Variants in LTBP1 observed in about 807,000 individuals in gnomAD.
LTBP1 encodes latent-transforming growth factor beta-binding protein 1.
In LTBP1, 129 loss-of-function variants were observed where a neutral mutation model predicts 207.6. That is an observed-to-expected ratio of 0.62 (90% CI 0.54 to 0.72). The LOEUF (loss-of-function observed/expected upper bound fraction) is 0.72. Ranked by LOEUF, LTBP1 falls within the 30% of genes least tolerant of loss-of-function variation. The probability of loss-of-function intolerance (pLI) is 0.00; values close to 1 mark genes in which losing one functional copy is unlikely to be tolerated. For synonymous variants in LTBP1, 963 were observed against 833.7 expected, an observed-to-expected ratio of 1.16 and a Z score of -2.67; for missense variants, 2,281 against 2,217.2, an observed-to-expected ratio of 1.03 and a Z score of -0.58.
At chr2:33,326,039 A>G (rs1480211064) in intron 24 of LTBP1, among the ~76,000 whole-genome samples, 1 of 152,090 alleles carries the variant, frequency 6.6e-6, no homozygotes, top group Non-Finnish European at 1.5e-5. Flanking sequence ...TCTGTAAAGA[A>G]TCACAGATGA....
At chr2:33,057,743 G>C (rs567726913) in intron 3 of LTBP1, among the ~76,000 whole-genome samples, 1 of 152,220 alleles carries the variant, frequency 6.6e-6, no homozygotes, top group Non-Finnish European at 1.5e-5. Flanking sequence ...CCAAGCCCAC[G>C]CTCACCGGGA....
chr2:33,398,419 G>A lies in LTBP1; in HGVS notation c.5040G>A (p.Lys1680=), dbSNP rs750533561. 3 of 1,614,060 alleles carry A rather than the reference G, an allele frequency of 1.9e-6. No individual in the cohort carries two copies. Among genetic ancestry groups the A allele is most frequent in the Admixed American group, 1.7e-5 (1 of 59,994 alleles). ...NNRMSLCKNA[K]CINTDGSYKC... ...GGATGTCTCTCTGCAAGAATGCCAA[G>A]TGCATTAACACCGATGGTTCCTACA... Residue 1680 remains lysine, a synonymous_variant, in exon 34 of 34, where the codon AAG becomes AAA. Coordinates refer to ENST00000404816, the MANE Select transcript of LTBP1 (RefSeq NM_206943.4).
chr2:33,292,567 C>CTAT (rs1479960461), intron 19 of LTBP1, among the ~76,000 whole-genome samples: 1 of 152,158 alleles, frequency 6.6e-6, no homozygotes, highest in Non-Finnish European at 1.5e-5. Flanking sequence ...AGATTAGGTG[C>CTAT]TATTATTATT....
At chr2:33,275,951 CAT>C (rs778166460) in intron 18 of LTBP1, 28 bp downstream of exon 18, 18 of 1,547,886 alleles carry the variant, frequency 1.2e-5, no homozygotes, top group Non-Finnish European at 1.5e-5. Flanking sequence ...GTTCAGCACA[CAT>C]GACGGTGATG....
At chr2:33,043,540 G>C (rs2076296279) in intron 3 of LTBP1, among the ~76,000 whole-genome samples, 3 of 152,172 alleles carry the variant, frequency 2.0e-5, no homozygotes, top group Admixed American at 2.0e-4. Context: ...ATGAAGTCCA[G>C]AGGAGGGTGG....
intron 5 of LTBP1, among the ~76,000 whole-genome samples, chr2:33,164,528 A>C (rs6743685): frequency 0.45 from 68,253 of 151,758 alleles, 16,274 homozygotes; most frequent in Non-Finnish European, 0.52. Flanking sequence ...TATTTATAGT[A>C]TTTTAGTCTA....
At chr2:33,078,321 G>C (rs1451842497) in intron 3 of LTBP1, among the ~76,000 whole-genome samples, 1 of 152,298 alleles carries the variant, frequency 6.6e-6, no homozygotes, top group Admixed American at 6.5e-5. Context: ...GGAGTTGACA[G>C]AATTTTAGTG....
chr2:33,168,701 C>T (rs1197690720), intron 5 of LTBP1, among the ~76,000 whole-genome samples: 9 of 151,958 alleles, frequency 5.9e-5, no homozygotes, highest in Admixed American at 5.2e-4. Flanking sequence ...AAAAAGGCAT[C>T]AGGAGCCTGT....
chr2:33,075,935 T>C lies in LTBP1; in HGVS notation c.864-34647T>C, dbSNP rs76417899. Among the ~76,000 whole-genome samples, 1,169 of 152,318 alleles carry C rather than the reference T, an allele frequency of 7.7e-3. 14 individuals are homozygous for C. The highest frequency in any genetic ancestry group is 0.026 in the African/African-American group (1,084 of 41,564). On this transcript the variant is annotated intron_variant, in intron 3 of 33. Transcript: ENST00000404816. ...GGTCCTCTTTTCAGGCTATGAGATATATGTTGTTCAGCTATTATTTGCATG... is the reference window on the plus strand; with the variant it reads ...GGTCCTCTTTTCAGGCTATGAGATACATGTTGTTCAGCTATTATTTGCATG...
chr2:33,223,377 T>A (rs879010197), intron 9 of LTBP1, among the ~76,000 whole-genome samples: 2 of 152,240 alleles, frequency 1.3e-5, no homozygotes, highest in Admixed American at 6.5e-5. Context: ...TTAAAAATAT[T>A]GTAAGCCCTC....
intron 23 of LTBP1, among the ~76,000 whole-genome samples, chr2:33,314,263 T>C (rs1409327721): frequency 2.0e-5 from 3 of 152,192 alleles, no homozygotes; most frequent in Non-Finnish European, 4.4e-5. Flanking sequence ...CTAAAAGTCC[T>C]TCTCAGCCAA....
chr2:33,266,663 A>G (rs137994242), intron 15 of LTBP1, among the ~76,000 whole-genome samples: 1 of 152,306 alleles, frequency 6.6e-6, no homozygotes, highest in African/African-American at 2.4e-5. Context: ...CAGGAGTACC[A>G]GCTGTGAGAA....
chr2:33,068,139 A>C (rs1357174888), intron 3 of LTBP1, among the ~76,000 whole-genome samples: 1 of 112,430 alleles, frequency 8.9e-6, no homozygotes, highest in Non-Finnish European at 1.6e-5. Context: ...GCATTAGCAG[A>C]GTAACATTTG....
At chr2:33,318,910 C>T (rs2094312688) in intron 24 of LTBP1, among the ~76,000 whole-genome samples, 1 of 152,176 alleles carries the variant, frequency 6.6e-6, no homozygotes, top group Non-Finnish European at 1.5e-5. Flanking sequence ...GCCTGGGCAA[C>T]ATAGCAAGAC....
At chr2:33,313,083 T>C (rs1426751212) in intron 23 of LTBP1, among the ~76,000 whole-genome samples, 2 of 152,130 alleles carry the variant, frequency 1.3e-5, no homozygotes, top group African/African-American at 2.4e-5. Context: ...ACATAGACAA[T>C]GTCAGAGATT....
Position 33,243,775 on chromosome 2 carries a change from A to C in LTBP1, c.1990A>C (p.Ser664Arg), listed in dbSNP as rs1363032159. 2 of 1,613,966 alleles carry C rather than the reference A, an allele frequency of 1.2e-6. No individual in the cohort carries two copies. The highest frequency in any genetic ancestry group is 2.2e-5 in the South Asian group (2 of 91,042). Reference protein sequence around the residue: ...IGFGPDPTFSSCVPDPPVISE... With the variant: ...IGFGPDPTFSRCVPDPPVISE... ...ATTTGGGCCGGATCCTACCTTTTCA[A>C]GTTGTGTTCGTAAGTAATAATCACT... Residue 664 changes from serine (S) to arginine (R), a missense_variant, in exon 10 of 34, where the codon AGT becomes CGT. Ser to Arg is a moderately radical substitution (Grantham distance 110). Coordinates refer to ENST00000404816, the MANE Select transcript of LTBP1 (RefSeq NM_206943.4).
intron 2 of LTBP1, among the ~76,000 whole-genome samples, chr2:33,012,106 A>G (rs1687752700): frequency 6.6e-6 from 1 of 152,180 alleles, no homozygotes; most frequent in Admixed American, 6.5e-5. Flanking sequence ...GTGAATGCCA[A>G]GGGGCAGAGA....
chr2:33,089,454 G>A (rs771195776), intron 3 of LTBP1, among the ~76,000 whole-genome samples: 5 of 152,162 alleles, frequency 3.3e-5, no homozygotes, highest in Non-Finnish European at 5.9e-5. Flanking sequence ...CATGGCTTGG[G>A]GGAGGGTCCT....
At chr2:33,226,204 C>T (rs569444473) in intron 9 of LTBP1, among the ~76,000 whole-genome samples, 8 of 152,162 alleles carry the variant, frequency 5.3e-5, no homozygotes, top group Admixed American at 4.6e-4. Context: ...TTTTTTCTTT[C>T]ACCTCTGGCA....
Sources: allele counts gnomAD v4.1 joint callset (sites outside exome capture counted in the v4.1 genomes callset), GRCh38; gene constraint gnomAD v4.1.1; transcripts MANE v1.5; gene names NCBI Gene and HGNC (gene_info 2026-07-23, HGNC 2026-07-21).